Variants in ACOXL observed in about 807,000 individuals in gnomAD.
The protein encoded by ACOXL is acyl-CoA oxidase like.
A neutral mutation model predicts 71.9 loss-of-function variants in ACOXL; 70 were observed. That is an observed-to-expected ratio of 0.97 (90% confidence interval 0.80 to 1.19). The LOEUF is 1.19. Ranked by LOEUF, ACOXL falls within the 50% of genes most tolerant of loss-of-function variation. The probability of loss-of-function intolerance (pLI) is 0.00; values close to 1 mark genes in which losing one functional copy is unlikely to be tolerated. For missense variants in ACOXL, 703 were observed against 736.3 expected, an observed-to-expected ratio of 0.95 and a Z score of 0.52; for synonymous variants, 253 against 281.6, an observed-to-expected ratio of 0.90 and a Z score of 1.02.
intron 16 of ACOXL, among the ~76,000 whole-genome samples, chr2:111,086,013 A>G (rs1479394500): frequency 6.6e-6 from 1 of 152,180 alleles, no homozygotes; most frequent in Non-Finnish European, 1.5e-5. Context: ...AGGCTGAACT[A>G]GGAAGAAACT....
intron 11 of ACOXL, among the ~76,000 whole-genome samples, chr2:110,923,297 C>G (rs762559596): frequency 2.6e-5 from 4 of 152,142 alleles, no homozygotes; most frequent in Non-Finnish European, 5.9e-5. Context: ...CTACTTCCCC[C>G]CAACACACAT....
At chr2:110,772,736 A>G (rs1275888910) in intron 2 of ACOXL, among the ~76,000 whole-genome samples, 1 of 152,178 alleles carries the variant, frequency 6.6e-6, no homozygotes, top group Non-Finnish European at 1.5e-5. Context: ...TTCTCAAAGT[A>G]AGGCCCGAGG....
At chr2:110,782,038 C>T (rs1228951259) in intron 2 of ACOXL, among the ~76,000 whole-genome samples, 2 of 152,128 alleles carry the variant, frequency 1.3e-5, no homozygotes, top group Non-Finnish European at 2.9e-5. Flanking sequence ...ATAGCATGGA[C>T]TGTAATTTAG....
chr2:110,850,814 G>A (rs374323354), intron 10 of ACOXL, among the ~76,000 whole-genome samples: 8 of 152,098 alleles, frequency 5.3e-5, no homozygotes, highest in South Asian at 2.1e-4. Context: ...TTACACTCCC[G>A]GATACTTAAA....
chr2:110,868,414 C>T (rs562416056), intron 10 of ACOXL, among the ~76,000 whole-genome samples: 8 of 152,244 alleles, frequency 5.3e-5, no homozygotes, highest in African/African-American at 1.9e-4. Context: ...GGAAAAGGAG[C>T]CTGCCATCAA....
At chr2:111,069,182 C>T (rs2067221387) in intron 16 of ACOXL, among the ~76,000 whole-genome samples, 1 of 145,948 alleles carries the variant, frequency 6.9e-6, no homozygotes, top group Non-Finnish European at 1.5e-5. Flanking sequence ...GACAGAGTCT[C>T]TCTCTGTTGC....
Position 110,809,072 on chromosome 2 carries a change from C to T in ACOXL, c.753+3677C>T, listed in dbSNP as rs369413005. Among the ~76,000 whole-genome samples the T allele has an allele frequency of 9.8e-5, 15 of 152,326 alleles. No individual in the cohort carries two copies. The East Asian group carries it at 2.5e-3, about 25-fold the overall frequency. Reference sequence around the variant, plus strand: ...TCAGTGCATGTTGGTTCTTGTGCTCCCACATACCAGCCCCCACTGCCGGGT... The same window carrying T: ...TCAGTGCATGTTGGTTCTTGTGCTCTCACATACCAGCCCCCACTGCCGGGT... On this transcript the variant is annotated intron_variant, in intron 9 of 17. Transcript: ENST00000439055.
chr2:110,908,951 C>T (rs369012703), intron 11 of ACOXL, 46 bp downstream of exon 11: 18 of 1,394,478 alleles, frequency 1.3e-5, no homozygotes, highest in African/African-American at 8.6e-5. Flanking sequence ...AGTGTGATAC[C>T]CTGGCATGAG....
intron 16 of ACOXL, among the ~76,000 whole-genome samples, chr2:111,055,547 A>G (rs888105034): frequency 6.6e-6 from 1 of 152,222 alleles, no homozygotes; most frequent in Non-Finnish European, 1.5e-5. Flanking sequence ...GAGAGTCCTA[A>G]GCTCCGACCA....
At chr2:110,739,871 G>A (rs1055492754) in intron 1 of ACOXL, among the ~76,000 whole-genome samples, 6 of 152,284 alleles carry the variant, frequency 3.9e-5, no homozygotes, top group Non-Finnish European at 7.4e-5. Context: ...GCTATCCCTC[G>A]TGGAATGTCA....
At position 110,980,883 on chromosome 2, in the gene ACOXL, G is replaced by A. The variant is rs141452312; in HGVS notation, c.1060-6225G>A. ...TTGAGAATTTATGTCAAGTGTGAGT[G>A]CGCAGCCCCTCTCTGTGCCCACTGA... On this transcript the variant is annotated intron_variant, in intron 12 of 17. Transcript: ENST00000439055. Among the ~76,000 whole-genome samples, 937 of 152,314 alleles carry A rather than the reference G, an allele frequency of 6.2e-3. 8 individuals carry two copies. Among genetic ancestry groups the A allele is most frequent in the Middle Eastern group, 0.014 (4 of 294 alleles).
At chr2:110,808,273 T>TA (rs1167356920) in intron 9 of ACOXL, among the ~76,000 whole-genome samples, 1 of 152,096 alleles carries the variant, frequency 6.6e-6, no homozygotes, top group Non-Finnish European at 1.5e-5. Context: ...TGCGCAGAGG[T>TA]AAATATTTTA....
chr2:110,870,699 T>G (rs898277621), intron 10 of ACOXL, among the ~76,000 whole-genome samples: 2 of 152,192 alleles, frequency 1.3e-5, no homozygotes, highest in African/African-American at 2.4e-5. Flanking sequence ...ACACCTGGAC[T>G]CTCACCTGCC....
chr2:111,010,310 AT>A (rs1306995845), intron 14 of ACOXL, among the ~76,000 whole-genome samples: 4 of 152,186 alleles, frequency 2.6e-5, no homozygotes, highest in African/African-American at 7.2e-5. Flanking sequence ...GAAAAATACA[AT>A]AGTATTAATA....
At chr2:110,991,824 C>T (rs1309891633) in intron 13 of ACOXL, among the ~76,000 whole-genome samples, 1 of 152,168 alleles carries the variant, frequency 6.6e-6, no homozygotes, top group Non-Finnish European at 1.5e-5. Context: ...CATTTGTCTT[C>T]ATACTAGAGC....
At chr2:110,968,600 A>G in intron 12 of ACOXL, 6 of 916,042 alleles carry the variant, frequency 6.5e-6, no homozygotes, top group Non-Finnish European at 1.0e-5. Flanking sequence ...AAAGAAGCCC[A>G]AGAAAGAAGT....
At chr2:110,780,296 A>C (rs1683166950) in intron 2 of ACOXL, among the ~76,000 whole-genome samples, 1 of 152,230 alleles carries the variant, frequency 6.6e-6, no homozygotes, top group Admixed American at 6.5e-5. Flanking sequence ...ATTGGAAAAG[A>C]CTGACAATGC....
chr2:111,095,244 T>G (rs2068741691), intron 17 of ACOXL, among the ~76,000 whole-genome samples: 1 of 145,504 alleles, frequency 6.9e-6, no homozygotes, highest in Admixed American at 6.8e-5. Context: ...AAAACCTACA[T>G]AAGGGAAGAT....
At chr2:110,795,117 G>A (rs1423344715) in intron 5 of ACOXL, among the ~76,000 whole-genome samples, 3 of 152,318 alleles carry the variant, frequency 2.0e-5, no homozygotes, top group Admixed American at 2.0e-4. Context: ...GCCCGAGCGT[G>A]GCTGCGGGTG....
Sources: allele counts gnomAD v4.1 joint callset (sites outside exome capture counted in the v4.1 genomes callset), GRCh38; gene constraint gnomAD v4.1.1; transcripts MANE v1.5; gene names NCBI Gene and HGNC (gene_info 2026-07-23, HGNC 2026-07-21).